NFYC: variants seen among roughly 807,000 people sequenced by gnomAD.
NFYC encodes nuclear transcription factor Y subunit gamma, also known as CAAT box DNA-binding protein subunit C.
Under a neutral mutation model 53.1 loss-of-function variants are expected in NFYC, and 25 were observed. The observed-to-expected ratio is 0.47, with a 90% CI of 0.34 to 0.66. The LOEUF (loss-of-function observed/expected upper bound fraction) is 0.66. Among genes scored for constraint, NFYC ranks in the 30% least tolerant of loss-of-function variants. The pLI, the probability that NFYC is intolerant of heterozygous loss-of-function variation, is 0.01. For synonymous variants in NFYC, 145 were observed against 152.6 expected (o/e 0.95, Z 0.37); for missense variants, 260 against 422.7 (o/e 0.62, Z 3.38).
intron 1 of NFYC, among the ~76,000 whole-genome samples, chr1:40,718,907 C>G (rs1208978659): frequency 6.6e-6 from 1 of 152,136 alleles, no homozygotes; most frequent in Non-Finnish European, 1.5e-5. Context: ...GAGTCTTGCT[C>G]TGTCGCCAGG....
At chr1:40,720,745 G>A (rs1644298625) in intron 1 of NFYC, among the ~76,000 whole-genome samples, 1 of 152,140 alleles carries the variant, frequency 6.6e-6, no homozygotes, top group Admixed American at 6.5e-5. Context: ...GCAAGCACCT[G>A]TAGTCCCCGC....
intron 1 of NFYC, 21 bp downstream of exon 1, chr1:40,691,888 T>G (rs1048957230): frequency 2.6e-6 from 1 of 379,748 alleles, no homozygotes; most frequent in Non-Finnish European, 5.3e-6. Context: ...GTGCGGGAGT[T>G]TCTGTGCGAG....
chr1:40,726,267 A>G (rs942027877), intron 1 of NFYC, among the ~76,000 whole-genome samples: 1 of 151,878 alleles, frequency 6.6e-6, no homozygotes, highest in Non-Finnish European at 1.5e-5. Context: ...GCAGGCCCGC[A>G]CCACCATGCC....
At chr1:40,703,963 A>T (rs1236734886) in intron 1 of NFYC, among the ~76,000 whole-genome samples, 1 of 152,224 alleles carries the variant, frequency 6.6e-6, no homozygotes, top group African/African-American at 2.4e-5. Context: ...GCAGGTAGCT[A>T]TGATTCAGAA....
At chr1:40,749,844 G>A (rs145953306) in intron 4 of NFYC, among the ~76,000 whole-genome samples, 158 bp downstream of exon 4, 2 of 152,256 alleles carry the variant, frequency 1.3e-5, no homozygotes, top group South Asian at 2.1e-4. Flanking sequence ...TCAAGCTGAC[G>A]TGTCATTGGC....
chr1:40,702,674 G>A (rs555879984), intron 1 of NFYC, among the ~76,000 whole-genome samples: 6 of 152,066 alleles, frequency 3.9e-5, no homozygotes, highest in Non-Finnish European at 7.4e-5. Flanking sequence ...TTATTTTGAA[G>A]ATGTGTGAAC....
intron 1 of NFYC, chr1:40,712,345 CCT>C (rs1324375184): frequency 6.6e-6 from 1 of 152,076 alleles, no homozygotes; most frequent in African/African-American, 2.4e-5. Flanking sequence ...AATTTAAGGA[CCT>C]CTCAGAATAG....
At chr1:40,723,225 A>T (rs1197911587) in intron 1 of NFYC, 1 of 152,210 alleles carries the variant, frequency 6.6e-6, no homozygotes, top group Admixed American at 6.5e-5. Flanking sequence ...AACACAGGAT[A>T]CTGCCAGAAA....
chr1:40,699,955 G>C (rs181958247), intron 1 of NFYC, among the ~76,000 whole-genome samples: 1 of 152,132 alleles, frequency 6.6e-6, no homozygotes, highest in African/African-American at 2.4e-5. Flanking sequence ...TACATTACGC[G>C]GTGTTACTCA....
chr1:40,713,350 A>G (rs1395925825), intron 1 of NFYC, among the ~76,000 whole-genome samples: 1 of 152,262 alleles, frequency 6.6e-6, no homozygotes, highest in Non-Finnish European at 1.5e-5. Flanking sequence ...CAAAATTGAT[A>G]CTGACTTTAC....
intron 8 of NFYC, chr1:40,768,628 G>C (rs1394235979): frequency 6.6e-6 from 1 of 152,254 alleles, no homozygotes; most frequent in Non-Finnish European, 1.5e-5. Context: ...TTACCGAGCT[G>C]CTCCCAGCAG....
In NFYC at chr1:40,747,525, T is replaced by C. The variant is rs1268382210; in HGVS notation, c.106-9T>C. On this transcript the variant is annotated splice_polypyrimidine_tract_variant and intron_variant, in intron 2 of 9. Coordinates refer to ENST00000447388, the MANE Select transcript of NFYC (RefSeq NM_014223.5). ...CCACCATTTATGCATCTCTTGTTGTTCATTTCAGAAAGACTTCCGAGTGCA... is the reference window on the plus strand; with the variant it reads ...CCACCATTTATGCATCTCTTGTTGTCCATTTCAGAAAGACTTCCGAGTGCA... 1 of 1,607,224 alleles carries C rather than the reference T, an allele frequency of 6.2e-7. No homozygotes were observed. The highest frequency in any genetic ancestry group is 8.5e-7 in the Non-Finnish European group (1 of 1,174,014).
At chr1:40,722,743 T>C (rs1290264161) in intron 1 of NFYC, among the ~76,000 whole-genome samples, 1 of 152,220 alleles carries the variant, frequency 6.6e-6, no homozygotes, top group Non-Finnish European at 1.5e-5. Flanking sequence ...TTGCTCAAGA[T>C]CACAGTTCGC....
At chr1:40,752,741 C>T (rs978846111) in intron 4 of NFYC, among the ~76,000 whole-genome samples, 3 of 151,846 alleles carry the variant, frequency 2.0e-5, no homozygotes, top group African/African-American at 7.3e-5. Context: ...AGGATTTTAC[C>T]TAATTCAATA....
At position 40,715,659 on chromosome 1, in the gene NFYC, A is replaced by C. The variant is rs548023740; in HGVS notation, c.-8-23177A>C. The stretch of plus-strand genomic sequence containing the variant: ...TTCTTGTCTCTCCCTTAGGGATCCC[A>C]AAGCTAGACCCCGCTGTTCAATAAT... On this transcript the variant is annotated intron_variant, in intron 1 of 9. Coordinates refer to ENST00000447388, the MANE Select transcript of NFYC (RefSeq NM_014223.5). Among the ~76,000 whole-genome samples the C allele has an allele frequency of 2.3e-4, 35 of 152,318 alleles. 1 individual carries two copies. The South Asian group carries it at 7.2e-3, about 32-fold the overall frequency.
At chr1:40,716,463 A>C (rs1243420378) in intron 1 of NFYC, among the ~76,000 whole-genome samples, 1 of 152,146 alleles carries the variant, frequency 6.6e-6, no homozygotes, top group Non-Finnish European at 1.5e-5. Flanking sequence ...AGGAGTGGTA[A>C]AAGAAAGAAG....
chr1:40,694,883 G>A (rs773977180), intron 1 of NFYC, among the ~76,000 whole-genome samples: 5 of 152,202 alleles, frequency 3.3e-5, no homozygotes, highest in Non-Finnish European at 7.3e-5. Flanking sequence ...TTTATAGGCT[G>A]TGTTCATGGC....
In NFYC at chr1:40,733,016, C is replaced by CG. The variant is rs1366342081; in HGVS notation, c.-8-5820_-8-5819insG. On this transcript the variant is annotated intron_variant, in intron 1 of 9. Coordinates refer to ENST00000447388, the MANE Select transcript of NFYC (RefSeq NM_014223.5). ...CAAGCTTTCCAAGATTCGCCCCCCC[C>CG]CCCTTTTTTTTTTTTCCTGAAAGGC... Among the ~76,000 whole-genome samples the CG allele has an allele frequency of 6.0e-5, 5 of 83,258 alleles. No individual in the cohort carries two copies. The East Asian group carries it at 2.6e-3, about 43-fold the overall frequency. The allele number at this position is 83,258 out of a possible 152,430, so 54.6% of individuals were successfully genotyped here.
chr1:40,749,020 A>C (rs768950468), intron 3 of NFYC, among the ~76,000 whole-genome samples: 1 of 152,194 alleles, frequency 6.6e-6, no homozygotes, highest in Non-Finnish European at 1.5e-5. Flanking sequence ...TTCAACTTTG[A>C]AATCAGACAC....
Sources: allele counts gnomAD v4.1 joint callset (sites outside exome capture counted in the v4.1 genomes callset), GRCh38; gene constraint gnomAD v4.1.1; transcripts MANE v1.5; gene names NCBI Gene and HGNC (gene_info 2026-07-23, HGNC 2026-07-21).